Variants in SLC4A5 observed in about 807,000 individuals in gnomAD.
The protein encoded by SLC4A5 is solute carrier family 4 member 5, also known as electrogenic sodium bicarbonate cotransporter 4.
SLC4A5 carries 96 observed loss-of-function variants against 120.4 expected under a neutral mutation model. The ratio of observed to expected loss-of-function variants is 0.80; its 90% CI spans 0.68 to 0.94. The LOEUF (loss-of-function observed/expected upper bound fraction) is 0.94. Ranked by LOEUF, SLC4A5 falls within the 40% of genes least tolerant of loss-of-function variation. The probability of loss-of-function intolerance (pLI) is 0.00; values close to 1 mark genes in which losing one functional copy is unlikely to be tolerated. For missense variants in SLC4A5, 1,259 were observed against 1,459.5 expected (o/e 0.86, Z 2.24); for synonymous variants, 550 against 571.1 (o/e 0.96, Z 0.53).
chr2:74,221,460 GGAA>G, exon 30 of SLC4A5: 1 of 1,613,906 alleles, frequency 6.2e-7, no homozygotes, highest in Non-Finnish European at 8.5e-7. Flanking sequence ...TGTCACTGAA[GGAA>G]GAATCAGAGT....
chr2:74,333,247 C>G (rs1023722814), intron 4 of SLC4A5, among the ~76,000 whole-genome samples: 3 of 152,138 alleles, frequency 2.0e-5, no homozygotes, highest in African/African-American at 4.8e-5. Context: ...AATTATCTGA[C>G]CCCAACTATC....
chr2:74,287,901 T>C (rs1672034500), intron 7 of SLC4A5, among the ~76,000 whole-genome samples: 2 of 152,128 alleles, frequency 1.3e-5, no homozygotes, highest in African/African-American at 4.8e-5. Flanking sequence ...TCTCCTTAGC[T>C]CTCCTGCTTG....
At chr2:74,320,026 T>A (rs576512527) in intron 5 of SLC4A5, among the ~76,000 whole-genome samples, 4 of 152,154 alleles carry the variant, frequency 2.6e-5, no homozygotes, top group Admixed American at 2.0e-4. Flanking sequence ...CTTTTCGAAA[T>A]TAAAAATACC....
In SLC4A5 at chr2:74,233,510, C is replaced by G. The variant is rs376122481; in HGVS notation, c.2487G>C (p.Trp829Cys). 8.1e-6 allele frequency: 13 copies of G among 1,613,986 alleles called. No individual in the cohort carries two copies. The African/African-American group carries it at 1.7e-4, about 22-fold the overall frequency. ...GCAGGATGCTTGCTGGGTATACCCACCACGGGTTCTTCCCAAAGGGGGCCA... is the reference window on the plus strand; with the variant it reads ...GCAGGATGCTTGCTGGGTATACCCAGCACGGGTTCTTCCCAAAGGGGGCCA... Residue 829 changes from tryptophan to cysteine, a missense_variant, in exon 23 of 31, where the codon TGG becomes TGC. Transcript: ENST00000394019.
At chr2:74,301,054 C>T (rs1672464020) in intron 7 of SLC4A5, among the ~76,000 whole-genome samples, 1 of 152,136 alleles carries the variant, frequency 6.6e-6, no homozygotes, top group East Asian at 1.9e-4. Context: ...AAGCCCCATT[C>T]ACATCTAACA....
At chr2:74,295,218 G>C (rs1691446731) in intron 7 of SLC4A5, among the ~76,000 whole-genome samples, 1 of 152,046 alleles carries the variant, frequency 6.6e-6, no homozygotes, top group East Asian at 1.9e-4. Flanking sequence ...GGCAGTGATG[G>C]GGGGTGGGAG....
intron 7 of SLC4A5, among the ~76,000 whole-genome samples, chr2:74,292,389 T>C (rs1433687006): frequency 6.6e-6 from 1 of 152,130 alleles, no homozygotes; most frequent in Non-Finnish European, 1.5e-5. Context: ...GCCCCTCCCT[T>C]CTGCCCACAG....
At chr2:74,266,453 G>C (rs1170098471) in intron 8 of SLC4A5, among the ~76,000 whole-genome samples, 1 of 152,072 alleles carries the variant, frequency 6.6e-6, no homozygotes, top group Non-Finnish European at 1.5e-5. Flanking sequence ...ATTTTTTGTA[G>C]AGATGGGGTT....
At chr2:74,299,895 A>G (rs1294762541) in intron 7 of SLC4A5, among the ~76,000 whole-genome samples, 1 of 152,274 alleles carries the variant, frequency 6.6e-6, no homozygotes, top group Non-Finnish European at 1.5e-5. Context: ...CCAAATCAGT[A>G]TCTTGAAAAG....
At position 74,255,708 on chromosome 2, in the gene SLC4A5, G is replaced by A. The variant is rs1460428271; in HGVS notation, c.1025+67C>T. The A allele has an allele frequency of 1.3e-6, 2 of 1,581,460 alleles. No individual in the cohort carries two copies. The highest frequency in any genetic ancestry group is 4.5e-5 in the East Asian group (2 of 44,442). ...GAGAACACTAACAGTCAACAGCACT[G>A]CTTGCTGACTGCACTGCTGACTGGC... On this transcript the variant is annotated intron_variant, in intron 13 of 30. Coordinates refer to ENST00000394019, the Ensembl canonical transcript of SLC4A5. The surrounding 1 kb of genome is among the most constrained non-coding windows in gnomAD (Gnocchi z 4.0).
intron 8 of SLC4A5, among the ~76,000 whole-genome samples, chr2:74,276,487 T>C (rs1671643304): frequency 6.6e-6 from 1 of 152,178 alleles, no homozygotes; most frequent in Non-Finnish European, 1.5e-5. Flanking sequence ...TGCAGTTACA[T>C]CAGCAGATCT....
At chr2:74,280,421 G>C (rs187464592) in intron 8 of SLC4A5, among the ~76,000 whole-genome samples, 199 of 152,322 alleles carry the variant, frequency 1.3e-3, no homozygotes, top group African/African-American at 3.9e-3. Flanking sequence ...GAGAGCCCAA[G>C]AGAGCAGGGG....
intron 17 of SLC4A5, 38 bp from the exon 18 acceptor site, chr2:74,248,524 G>T (rs1670690905): frequency 6.2e-7 from 1 of 1,611,058 alleles, no homozygotes; most frequent in African/African-American, 1.3e-5. Context: ...GCATAGGAAG[G>T]AGAAGCGGTC....
chr2:74,329,850 A>C (rs1252095231), intron 4 of SLC4A5, among the ~76,000 whole-genome samples: 1 of 150,304 alleles, frequency 6.7e-6, no homozygotes, highest in East Asian at 2.0e-4. Context: ...TGTAGATGGA[A>C]ATGTGATATG....
chr2:74,277,142 G>A, intron 8 of SLC4A5, among the ~76,000 whole-genome samples: 1 of 152,206 alleles, frequency 6.6e-6, no homozygotes, highest in East Asian at 1.9e-4. Flanking sequence ...GACGATGACA[G>A]TGGCATTTCT....
chr2:74,300,397 T>C (rs1238664159), intron 7 of SLC4A5, among the ~76,000 whole-genome samples: 1 of 152,244 alleles, frequency 6.6e-6, no homozygotes, highest in African/African-American at 2.4e-5. Flanking sequence ...AATTTGATTG[T>C]GGTAATCATC....
At chr2:74,253,345 G>A (rs1210367100) in intron 14 of SLC4A5, among the ~76,000 whole-genome samples, 1 of 152,190 alleles carries the variant, frequency 6.6e-6, no homozygotes, top group Non-Finnish European at 1.5e-5. Context: ...TGGATCTGAA[G>A]GCCAGGTCTC....
intron 4 of SLC4A5, among the ~76,000 whole-genome samples, chr2:74,328,537 G>A (rs1673272434): frequency 6.6e-6 from 1 of 152,158 alleles, no homozygotes; most frequent in South Asian, 2.1e-4. Flanking sequence ...CTGTCTTGGA[G>A]GGATGTTAGA....
chr2:74,231,431 A>G, intron 24 of SLC4A5, 123 bp from the exon 25 acceptor site: 1 of 817,878 alleles, frequency 1.2e-6, no homozygotes, highest in Non-Finnish European at 1.8e-6. Flanking sequence ...GGGCTTCTGC[A>G]TGAAGCTCTG....
Sources: gnomAD v4.1 joint callset for allele counts (sites outside exome capture counted in the v4.1 genomes callset) on GRCh38, gnomAD v4.1.1 for gene constraint, Gnocchi (gnomAD v3.1) non-coding constraint, MANE v1.5 for transcripts, NCBI Gene and HGNC (gene_info 2026-07-23, HGNC 2026-07-21) for gene names.